Variants in PLOD2 observed in about 807,000 individuals in gnomAD.
PLOD2 encodes the protein procollagen-lysine,2-oxoglutarate 5-dioxygenase 2.
Under a neutral mutation model 101.0 loss-of-function variants are expected in PLOD2, and 65 were observed. The ratio of observed to expected loss-of-function variants is 0.64; its 90% CI spans 0.53 to 0.79. The LOEUF is 0.79. Among genes scored for constraint, PLOD2 ranks in the 30% least tolerant of loss-of-function variants. The pLI is 0.00. For missense variants in PLOD2, 909 were observed against 914.6 expected (o/e 0.99, Z 0.08); for synonymous variants, 314 against 302.9 (o/e 1.04, Z -0.38).
intron 1 of PLOD2, among the ~76,000 whole-genome samples, chr3:146,158,635 G>A (rs1291483125): frequency 6.6e-6 from 1 of 151,178 alleles, no homozygotes; most frequent in African/African-American, 2.4e-5. Context: ...TTAACCCTGG[G>A]CAATTTTGTC....
At chr3:146,119,260 C>G (rs1938067793) in intron 3 of PLOD2, among the ~76,000 whole-genome samples, 1 of 152,044 alleles carries the variant, frequency 6.6e-6, no homozygotes, top group South Asian at 2.1e-4. Flanking sequence ...TGCCATGATC[C>G]TAAGTTTCCT....
At chr3:146,109,716 A>T (rs1937594682) in intron 4 of PLOD2, among the ~76,000 whole-genome samples, 1 of 152,174 alleles carries the variant, frequency 6.6e-6, no homozygotes, top group African/African-American at 2.4e-5. Flanking sequence ...TAAAGGCTGG[A>T]CTGAGGAATG....
chr3:146,082,590 G>A (rs1301609211), intron 11 of PLOD2, among the ~76,000 whole-genome samples: 3 of 151,996 alleles, frequency 2.0e-5, no homozygotes, highest in Non-Finnish European at 4.4e-5. Context: ...GCACAAAAGT[G>A]AAATAAATAA....
intron 7 of PLOD2, among the ~76,000 whole-genome samples, chr3:146,102,535 T>TA (rs1467186103): frequency 1.3e-5 from 2 of 152,166 alleles, no homozygotes; most frequent in Non-Finnish European, 2.9e-5. Flanking sequence ...AAATGTGCTG[T>TA]AAATAGAATA....
At chr3:146,110,068 T>C (rs1457646358) in intron 4 of PLOD2, among the ~76,000 whole-genome samples, 1 of 152,146 alleles carries the variant, frequency 6.6e-6, no homozygotes. Context: ...AAACATGAGT[T>C]TCCTCACTTA....
In PLOD2 at chr3:146,091,800, A is replaced by C; in HGVS notation, c.879T>G (p.Asp293Glu). 1 of 1,512,884 alleles carries C rather than the reference A, an allele frequency of 6.6e-7. No individual in the cohort carries two copies. The highest frequency in any genetic ancestry group is 9.2e-7 in the Non-Finnish European group (1 of 1,087,842). 93.7% of individuals were successfully genotyped at this position (1,512,884 alleles called of 1,614,324 possible). Residue 293 changes from aspartate (D) to glutamate (E), a missense_variant and splice_region_variant, in exon 8 of 20, where the codon GAT becomes GAG. Transcript: ENST00000282903. ...TTCACACATAATCAATTCCACTTAC[A>C]TCTACTGCAGACAAGTCGACTGTAT... ...EFDTVDLSAV[D>E]VHPNVSIGVF...
intron 3 of PLOD2, among the ~76,000 whole-genome samples, chr3:146,112,895 G>A (rs552414844): frequency 8.4e-4 from 126 of 150,552 alleles, no homozygotes; most frequent in African/African-American, 2.9e-3. Context: ...TAATAGGTGC[G>A]GCAAACCACC....
intron 7 of PLOD2, among the ~76,000 whole-genome samples, chr3:146,101,895 G>A (rs1342779462): frequency 6.6e-6 from 1 of 152,160 alleles, no homozygotes; most frequent in African/African-American, 2.4e-5. Context: ...AAAACCAAAG[G>A]GGAAAGATTA....
At chr3:146,106,121 T>TTGCATTTGACAATG (rs1165557549) in intron 5 of PLOD2, among the ~76,000 whole-genome samples, 1 of 152,242 alleles carries the variant, frequency 6.6e-6, no homozygotes, top group African/African-American at 2.4e-5. Flanking sequence ...TGTAACCTAT[T>TTGCATTTGACAATG]CTGTTATTTT....
At chr3:146,111,828 A>C (rs1937646260) in intron 3 of PLOD2, among the ~76,000 whole-genome samples, 1 of 147,252 alleles carries the variant, frequency 6.8e-6, no homozygotes. Flanking sequence ...TTTCCTCAAG[A>C]CTATAAGTTG....
At chr3:146,082,667 C>A (rs1030443667) in intron 11 of PLOD2, among the ~76,000 whole-genome samples, 1 of 151,950 alleles carries the variant, frequency 6.6e-6, no homozygotes, top group Admixed American at 6.6e-5. Flanking sequence ...CCGAGGCGGG[C>A]GGATCACAAG....
At chr3:146,148,336 ACG>A (rs145944996) in intron 1 of PLOD2, among the ~76,000 whole-genome samples, 3 of 84,062 alleles carry the variant, frequency 3.6e-5, no homozygotes, top group African/African-American at 7.5e-5. Flanking sequence ...GCAGGCAGGC[ACG>A]CACACACACA....
chr3:146,077,211 A>AT, intron 14 of PLOD2: 1 of 1,021,300 alleles, frequency 9.8e-7, no homozygotes, highest in Non-Finnish European at 1.2e-6. Context: ...AAGCAGAAAT[A>AT]TTTTTGAGAC....
At chr3:146,100,128 AC>A (rs1937335993) in intron 7 of PLOD2, among the ~76,000 whole-genome samples, 1 of 152,036 alleles carries the variant, frequency 6.6e-6, no homozygotes, top group African/African-American at 2.4e-5. Context: ...TGATCCACCC[AC>A]CTAAGCCTTG....
chr3:146,095,905 C>T (rs1201306258), intron 7 of PLOD2, among the ~76,000 whole-genome samples: 2 of 139,540 alleles, frequency 1.4e-5, no homozygotes, highest in Non-Finnish European at 3.2e-5. Context: ...CCCCCTCCCC[C>T]CTCTCCCTCC....
At chr3:146,152,698 G>C (rs1453945422) in intron 1 of PLOD2, among the ~76,000 whole-genome samples, 1 of 152,132 alleles carries the variant, frequency 6.6e-6, no homozygotes, top group African/African-American at 2.4e-5. Flanking sequence ...TGGGTGTGCA[G>C]GTATCCAGGT....
chr3:146,087,589 A>C (rs2108022007), intron 9 of PLOD2, among the ~76,000 whole-genome samples: 1 of 151,920 alleles, frequency 6.6e-6, no homozygotes, highest in African/African-American at 2.4e-5. Flanking sequence ...TTATTTGTCA[A>C]GTCTCTAAGT....
chr3:146,079,642 A>T (rs899006100), intron 12 of PLOD2, among the ~76,000 whole-genome samples: 16 of 152,132 alleles, frequency 1.1e-4, no homozygotes, highest in African/African-American at 3.6e-4. Flanking sequence ...CACTAGACCC[A>T]GCTCATACTG....
At chr3:146,123,557 TAGAC>T (rs1031000091) in intron 2 of PLOD2, among the ~76,000 whole-genome samples, 3 of 151,978 alleles carry the variant, frequency 2.0e-5, no homozygotes, top group African/African-American at 7.2e-5. Flanking sequence ...TTCTCAATAA[TAGAC>T]AGAAAAGGCA....
Sources: gnomAD v4.1 joint callset for allele counts (sites outside exome capture counted in the v4.1 genomes callset) on GRCh38, gnomAD v4.1.1 for gene constraint, MANE v1.5 for transcripts, NCBI Gene and HGNC (gene_info 2026-07-23, HGNC 2026-07-21) for gene names.